Variants in CRYL1 observed in about 807,000 individuals in gnomAD.
CRYL1 encodes lambda-crystallin homolog.
In CRYL1, 29 loss-of-function variants were observed where a neutral mutation model predicts 36.6. The ratio of observed to expected loss-of-function variants is 0.79; its 90% CI spans 0.59 to 1.08. The LOEUF (loss-of-function observed/expected upper bound fraction) is 1.08. CRYL1 is among the 50% of genes least tolerant of loss of function. The pLI is 0.00. For missense variants in CRYL1, 411 were observed against 407.9 expected (o/e 1.01, Z -0.06); for synonymous variants, 152 against 151.5 (o/e 1.00, Z -0.02).
Position 20,489,388 on chromosome 13 carries a change from C to G in CRYL1, c.258G>C (p.Glu86Asp). Residue 86 changes from glutamate (E) to aspartate (D), a missense_variant, in exon 3 of 8, where the codon GAG becomes GAC. By Grantham distance (45) the Glu-to-Asp change is conservative. Coordinates refer to ENST00000298248, the MANE Select transcript of CRYL1 (RefSeq NM_015974.3). ...CACTCACCTGAATGTGCATGGCACC[C>G]TCTACTGCTTCTTGGATATTGGGAC... ...SGCPNIQEAV[E>D]GAMHIQECVP... is the part of the protein sequence containing the mutation. The G allele has an allele frequency of 2.5e-6, 4 of 1,613,476 alleles. No homozygotes were observed. Among genetic ancestry groups the G allele is most frequent in the Non-Finnish European group, 3.4e-6 (4 of 1,180,014 alleles).
At chr13:20,467,694 G>A (rs916633460) in intron 3 of CRYL1, among the ~76,000 whole-genome samples, 71 of 152,108 alleles carry the variant, frequency 4.7e-4, no homozygotes, top group African/African-American at 1.4e-3. Context: ...GGTGGCACGC[G>A]CCTGTTGTCC....
intron 2 of CRYL1, among the ~76,000 whole-genome samples, chr13:20,490,539 C>A (rs990376087): frequency 5.3e-5 from 8 of 151,776 alleles, no homozygotes; most frequent in African/African-American, 1.9e-4. Flanking sequence ...GATGGTAGCA[C>A]AACAATGTAA....
At position 20,435,396 on chromosome 13, in the gene CRYL1, TCACACCGACTTCCATC is replaced by T. The variant is rs1396835443; in HGVS notation, c.439-3116_439-3101del. 2.0e-5 allele frequency among the ~76,000 whole-genome samples: 3 copies of T among 151,788 alleles called. No individual in the cohort carries two copies. The highest frequency in any genetic ancestry group is 2.0e-4 in the East Asian group (1 of 5,104). On this transcript the variant is annotated intron_variant, in intron 4 of 7. Coordinates refer to ENST00000298248, the MANE Select transcript of CRYL1 (RefSeq NM_015974.3). This position sits in a 1 kb window ranked among gnomAD's most constrained non-coding sequence, Gnocchi z 4.0. ...GCAGCCCCCCAAAACAGACTTCCAT[TCACACCGACTTCCATC>T]CACACCTCCGTGTCCACCTACGGAA...
intron 2 of CRYL1, among the ~76,000 whole-genome samples, chr13:20,495,858 C>T (rs1053336912): frequency 5.9e-5 from 9 of 152,204 alleles, no homozygotes; most frequent in African/African-American, 2.2e-4. Flanking sequence ...AGTGCAGTGG[C>T]GCAGTCTCAG....
At chr13:20,450,857 TAC>T (rs1358399915) in intron 3 of CRYL1, among the ~76,000 whole-genome samples, 2 of 152,010 alleles carry the variant, frequency 1.3e-5, no homozygotes. Context: ...GTGGCACATA[TAC>T]ACCATGGAAT....
chr13:20,508,931 C>T (rs2033863075), intron 2 of CRYL1, among the ~76,000 whole-genome samples: 1 of 147,198 alleles, frequency 6.8e-6, no homozygotes. Flanking sequence ...TGGCTCACAC[C>T]TATAATCCCA....
At chr13:20,422,815 C>G (rs772882965) in intron 5 of CRYL1, among the ~76,000 whole-genome samples, 3 of 152,228 alleles carry the variant, frequency 2.0e-5, no homozygotes, top group Non-Finnish European at 4.4e-5. Flanking sequence ...CCACGCTACT[C>G]TGTGAAAAAT....
At chr13:20,434,254 C>A (rs1565962730) in intron 4 of CRYL1, among the ~76,000 whole-genome samples, 2 of 152,262 alleles carry the variant, frequency 1.3e-5, no homozygotes, top group South Asian at 4.1e-4. Context: ...ACTTGGGGAG[C>A]TTTTCTGTCT....
intron 5 of CRYL1, among the ~76,000 whole-genome samples, chr13:20,419,596 T>C (rs999448152): frequency 8.6e-5 from 13 of 152,040 alleles, no homozygotes; most frequent in African/African-American, 3.1e-4. Flanking sequence ...CTGGATAATT[T>C]TGTATTTTTA....
chr13:20,440,481 G>A (rs1202072312), intron 3 of CRYL1, among the ~76,000 whole-genome samples: 1 of 152,202 alleles, frequency 6.6e-6, no homozygotes, highest in Admixed American at 6.5e-5. Context: ...ATATATGGGA[G>A]TTTCTTGTAC....
chr13:20,477,927 C>T (rs2033198515), intron 3 of CRYL1, among the ~76,000 whole-genome samples: 2 of 143,844 alleles, frequency 1.4e-5, no homozygotes, highest in African/African-American at 2.6e-5. Flanking sequence ...GTATATATTA[C>T]AGTATATTAT....
chr13:20,515,428 G>C (rs190016884), intron 1 of CRYL1, among the ~76,000 whole-genome samples: 69 of 152,202 alleles, frequency 4.5e-4, no homozygotes, highest in African/African-American at 1.3e-3. Context: ...ATTTTCATAA[G>C]AGTGGATGGA....
intron 1 of CRYL1, among the ~76,000 whole-genome samples, chr13:20,516,540 G>T (rs1445102125): frequency 6.6e-6 from 1 of 151,832 alleles, no homozygotes; most frequent in East Asian, 2.0e-4. Context: ...AGTGCTGTGG[G>T]GGTATCTCGG....
chr13:20,514,833 T>C (rs147580362), intron 1 of CRYL1, among the ~76,000 whole-genome samples: 1 of 152,212 alleles, frequency 6.6e-6, no homozygotes, highest in African/African-American at 2.4e-5. Context: ...TCTAAAAAAA[T>C]AAAGGTTTTT....
chr13:20,411,875 C>T (rs1399464567), intron 6 of CRYL1, among the ~76,000 whole-genome samples: 1 of 152,226 alleles, frequency 6.6e-6, no homozygotes, highest in Admixed American at 6.5e-5. Context: ...CCATCCACTT[C>T]AGAAATCATC....
chr13:20,514,143 G>A (rs1032498451), intron 1 of CRYL1, among the ~76,000 whole-genome samples: 3 of 152,182 alleles, frequency 2.0e-5, no homozygotes, highest in South Asian at 2.1e-4. Context: ...TAGGCAGGTA[G>A]GGCATCACCC....
At chr13:20,444,180 G>T (rs573429838) in intron 3 of CRYL1, among the ~76,000 whole-genome samples, 1 of 152,278 alleles carries the variant, frequency 6.6e-6, no homozygotes, top group East Asian at 1.9e-4. Flanking sequence ...AGTAAAAGGG[G>T]AAAGAGCACA....
rs1197466355 is a variant in CRYL1 at position 20,435,803 on chromosome 13, C to A, written c.439-3507G>T. ...CAGCGCGGCTGCCCACAGAGACTCC[C>A]TTCACCCCCGCTCCGGGAGCAACCA... On this transcript the variant is annotated intron_variant, in intron 4 of 7. Coordinates refer to ENST00000298248, the MANE Select transcript of CRYL1 (RefSeq NM_015974.3). The surrounding 1 kb of genome is among the most constrained non-coding windows in gnomAD (Gnocchi z 4.0). 2.0e-5 allele frequency among the ~76,000 whole-genome samples: 3 copies of A among 152,202 alleles called. No homozygotes were observed. The highest frequency in any genetic ancestry group is 4.8e-5 in the African/African-American group (2 of 41,458).
chr13:20,506,192 G>C (rs1458866463), intron 2 of CRYL1, among the ~76,000 whole-genome samples: 1 of 152,208 alleles, frequency 6.6e-6, no homozygotes, highest in Non-Finnish European at 1.5e-5. Flanking sequence ...GGAAGAGGTA[G>C]TTGGTCACAA....
Sources: gnomAD v4.1 joint callset for allele counts (sites outside exome capture counted in the v4.1 genomes callset) on GRCh38, gnomAD v4.1.1 for gene constraint, Gnocchi (gnomAD v3.1) non-coding constraint, MANE v1.5 for transcripts, NCBI Gene and HGNC (gene_info 2026-07-23, HGNC 2026-07-21) for gene names.